NDUFAF6: variants seen among roughly 807,000 people sequenced by gnomAD.
NDUFAF6 encodes NADH:ubiquinone oxidoreductase complex assembly factor 6, also known as NADH dehydrogenase (ubiquinone) complex I, assembly factor 6.
A neutral mutation model predicts 40.8 loss-of-function variants in NDUFAF6; 45 were observed. The observed-to-expected ratio is 1.10, with a 90% CI of 0.87 to 1.42. NDUFAF6 has a LOEUF of 1.42. Ranked by LOEUF, NDUFAF6 falls within the 40% of genes most tolerant of loss-of-function variation. The pLI is 0.00. For missense variants in NDUFAF6, 435 were observed against 418.5 expected (o/e 1.04, Z -0.34); for synonymous variants, 185 against 155.9 (o/e 1.19, Z -1.39).
In NDUFAF6 at chr8:95,070,536, ACTT is replaced by A. The variant is rs147794151; in HGVS notation, c.*512-5091_*512-5089del. ...AATTTAAGAAAGTAAACACATTTTT[ACTT>A]CTTCTAACTTCAGAGAATGAGCTTC... On this transcript the variant is annotated intron_variant and NMD_transcript_variant, in intron 9 of 9. Coordinates refer to the NDUFAF6 transcript ENST00000520757. Among the ~76,000 whole-genome samples, 576 of 152,312 alleles carry A rather than the reference ACTT, an allele frequency of 3.8e-3. 3 individuals carry two copies. The highest frequency in any genetic ancestry group is 0.013 in the African/African-American group (552 of 41,566).
downstream of NDUFAF6, among the ~76,000 whole-genome samples, chr8:95,078,805 T>C (rs1437913936): frequency 6.6e-6 from 1 of 152,002 alleles, no homozygotes; most frequent in East Asian, 1.9e-4. Flanking sequence ...ATCATACAGT[T>C]TGCAGGCTTC....
At chr8:94,997,302 AC>A (rs1238692224) in intron 2 of NDUFAF6, among the ~76,000 whole-genome samples, 2 of 113,154 alleles carry the variant, frequency 1.8e-5, no homozygotes, top group Non-Finnish European at 3.6e-5. Flanking sequence ...ACACACACAC[AC>A]ACACACACAC....
At chr8:95,095,971 G>C (rs192690342), upstream of NDUFAF6, among the ~76,000 whole-genome samples, 1 of 152,094 alleles carries the variant, frequency 6.6e-6, no homozygotes, top group African/African-American at 2.4e-5. Context: ...GGCTGATTTC[G>C]CTGTTTTTGA....
chr8:95,083,363 A>G (rs946272844), intron 2 of NDUFAF6, among the ~76,000 whole-genome samples: 14 of 152,306 alleles, frequency 9.2e-5, no homozygotes, highest in African/African-American at 3.1e-4. Flanking sequence ...TAAGTTATCC[A>G]TCTAGTTATT....
intron 3 of NDUFAF6, among the ~76,000 whole-genome samples, chr8:95,038,952 A>G (rs1331975039): frequency 1.4e-5 from 2 of 146,970 alleles, no homozygotes. Context: ...TACAGGTGTC[A>G]GCTACCGCAC....
rs1829405956 is a variant in NDUFAF6, at chr8:95,035,578, T to TTA, written c.420+2_420+3insTA. 5 of 1,432,586 alleles carry TTA rather than the reference T, an allele frequency of 3.5e-6. No homozygotes were observed. The Admixed American group carries it at 7.3e-5, about 21-fold the overall frequency. The allele number at this position is 1,432,586 out of a possible 1,614,324, so 88.7% of individuals were successfully genotyped here. On this transcript the variant is annotated splice_region_variant and intron_variant, in intron 3 of 8. Coordinates refer to ENST00000396124, the MANE Select transcript of NDUFAF6 (RefSeq NM_152416.4). The stretch of plus-strand genomic sequence containing the variant: ...CCTGTGGCCATTGAACTATGGAAGG[T>TTA]AAAAAAAAAAAAATACCACTTTTAA...
chr8:94,968,038 G>A (rs562136307), intron 1 of NDUFAF6, among the ~76,000 whole-genome samples: 16 of 152,240 alleles, frequency 1.1e-4, no homozygotes, highest in African/African-American at 3.9e-4. Flanking sequence ...ATGGTAGTTG[G>A]CAGGCCCCAG....
intron 1 of NDUFAF6, chr8:94,929,311 G>C (rs1236546946): frequency 1.3e-5 from 2 of 151,972 alleles, no homozygotes; most frequent in Admixed American, 6.6e-5. Flanking sequence ...GCTCCCCGTT[G>C]GTGGGGGAAA....
At chr8:95,079,084 G>A (rs527305439), downstream of NDUFAF6, among the ~76,000 whole-genome samples, 135 of 152,020 alleles carry the variant, frequency 8.9e-4, no homozygotes, top group African/African-American at 3.1e-3. Flanking sequence ...AAGAAATTCT[G>A]TCTCAGTCTC....
intron 1 of NDUFAF6, among the ~76,000 whole-genome samples, chr8:94,934,930 A>G (rs577788665): frequency 6.6e-6 from 1 of 152,276 alleles, no homozygotes; most frequent in East Asian, 1.9e-4. Context: ...ATCATGTAAC[A>G]TAAGAAAGTT....
At chr8:94,985,467 T>TTTTATATATATA (rs1158887739) in intron 2 of NDUFAF6, among the ~76,000 whole-genome samples, 3 of 28,598 alleles carry the variant, frequency 1.0e-4, no homozygotes, top group Non-Finnish European at 1.7e-4. Context: ...AAAACAATAA[T>TTTTATATATATA]TATATATATA....
intron 2 of NDUFAF6, among the ~76,000 whole-genome samples, chr8:95,082,818 C>T (rs544046590): frequency 1.3e-5 from 2 of 152,256 alleles, no homozygotes; most frequent in Non-Finnish European, 2.9e-5. Context: ...CGCCACTACG[C>T]CCGGCTAATT....
chr8:95,024,921 A>C, upstream of NDUFAF6: 2 of 1,156,310 alleles, frequency 1.7e-6, no homozygotes, highest in East Asian at 3.3e-5. Context: ...CCGCGACTCA[A>C]AGGAGCATAG....
intron 1 of NDUFAF6, among the ~76,000 whole-genome samples, chr8:94,964,934 C>T: frequency 6.6e-6 from 1 of 152,214 alleles, no homozygotes; most frequent in African/African-American, 2.4e-5. Flanking sequence ...TGATGGGCGC[C>T]AGAGATGTCT....
intron 1 of NDUFAF6, chr8:94,931,965 C>A: frequency 9.0e-7 from 1 of 1,113,874 alleles, no homozygotes; most frequent in East Asian, 2.6e-5. Context: ...GAGTGAGACT[C>A]CATCTCAAAA....
intron 8 of NDUFAF6, among the ~76,000 whole-genome samples, 186 bp downstream of exon 8, chr8:95,052,416 G>A (rs1358356578): frequency 6.6e-6 from 1 of 152,174 alleles, no homozygotes; most frequent in East Asian, 1.9e-4. Context: ...TTTCTCAGAG[G>A]CAGGTGAGCT....
At chr8:94,935,413 A>ATC (rs1255815800) in intron 1 of NDUFAF6, among the ~76,000 whole-genome samples, 1 of 152,228 alleles carries the variant, frequency 6.6e-6, no homozygotes, top group African/African-American at 2.4e-5. Flanking sequence ...GCAATCTCAG[A>ATC]TATTTCCTAG....
intron 1 of NDUFAF6, among the ~76,000 whole-genome samples, chr8:94,945,303 G>C (rs1821893553): frequency 1.3e-5 from 2 of 152,096 alleles, no homozygotes; most frequent in Admixed American, 6.5e-5. Flanking sequence ...GTATTTCAAA[G>C]ACTTAGTACC....
At chr8:94,969,918 A>G (rs1479326895) in intron 1 of NDUFAF6, among the ~76,000 whole-genome samples, 4 of 152,204 alleles carry the variant, frequency 2.6e-5, no homozygotes, top group Non-Finnish European at 1.5e-5. Flanking sequence ...GTAAACAAAG[A>G]TAAAGAAAAC....
Sources: gnomAD v4.1 joint callset for allele counts (sites outside exome capture counted in the v4.1 genomes callset) on GRCh38, gnomAD v4.1.1 for gene constraint, MANE v1.5 for transcripts, NCBI Gene and HGNC (gene_info 2026-07-23, HGNC 2026-07-21) for gene names.